The following FBXW10 variants were observed in gnomAD, a reference collection of about 807,000 sequenced individuals.
FBXW10 encodes F-box and WD repeat domain containing 10.
FBXW10 carries 68 observed loss-of-function variants against 113.1 expected under a neutral mutation model. That is an observed-to-expected ratio of 0.60 (90% CI 0.49 to 0.74). The LOEUF (loss-of-function observed/expected upper bound fraction) is 0.74, where lower values mean the gene tolerates loss of function less well. Ranked by LOEUF, FBXW10 falls within the 30% of genes least tolerant of loss-of-function variation. FBXW10 has a pLI of 0.00. For missense variants in FBXW10, 753 were observed against 1,284.5 expected (o/e 0.59, Z 6.32); for synonymous variants, 289 against 481.6 (o/e 0.60, Z 5.24).
chr17:18,765,804 G>A (rs1480672201), intron 8 of FBXW10, among the ~76,000 whole-genome samples: 2 of 151,978 alleles, frequency 1.3e-5, no homozygotes, highest in Non-Finnish European at 2.9e-5. Flanking sequence ...TTGGCTCACT[G>A]CAACCTCTGC....
At chr17:18,771,117 AC>A (rs200033566) in intron 11 of FBXW10, among the ~76,000 whole-genome samples, 12,645 of 150,938 alleles carry the variant, frequency 0.084, 584 homozygotes, top group African/African-American at 0.13. Context: ...AAAAAAAAAA[AC>A]AAAACAAAAC....
chr17:18,775,350 G>A (rs552459509), intron 13 of FBXW10, among the ~76,000 whole-genome samples, 158 bp downstream of exon 13: 2 of 152,162 alleles, frequency 1.3e-5, no homozygotes, highest in Middle Eastern at 3.2e-3. Context: ...CTCTAGTTTC[G>A]TATTGTTTTC....
chr17:18,762,979 C>A (rs897756369), intron 7 of FBXW10, among the ~76,000 whole-genome samples: 1 of 148,712 alleles, frequency 6.7e-6, no homozygotes, highest in Non-Finnish European at 1.5e-5. Context: ...GAGCACTGTG[C>A]CATCATTCAA....
At position 18,744,590 on chromosome 17, in the gene FBXW10, C is replaced by G. The variant is rs768357844; in HGVS notation, c.346C>G (p.Gln116Glu). The stretch of plus-strand genomic sequence containing the variant: ...CCAAATGTTGGATAAAACAGTAGAA[C>G]AGAAGATGAAAGAGATCTTGTACTG... ...LNQMLDKTVE[Q>E]KMKEILYWFA... The change falls in exon 1 of 14, where the codon CAG becomes GAG. Residue 116 changes from glutamine to glutamate, a missense_variant. By Grantham distance (29) the Gln-to-Glu change is conservative. Transcript: ENST00000395665. The G allele has an allele frequency of 5.6e-6, 9 of 1,613,968 alleles. No homozygotes were observed. The Admixed American group carries it at 1.3e-4, about 24-fold the overall frequency.
chr17:18,764,960 T>C, intron 8 of FBXW10, 97 bp downstream of exon 8: 1 of 1,609,988 alleles, frequency 6.2e-7, no homozygotes, highest in Non-Finnish European at 8.5e-7. Context: ...CAGGCAGTCA[T>C]TTATTCTTTA....
Position 18,744,550 on chromosome 17 carries a change from G to C in FBXW10, c.306G>C (p.Val102=), listed in dbSNP as rs2035001438. 6.2e-7 allele frequency: 1 copy of C among 1,613,998 alleles called. No homozygotes were observed. Among genetic ancestry groups the C allele is most frequent in the Non-Finnish European group, 8.5e-7 (1 of 1,179,882 alleles). ...INLSKKEGKV[V]KSSLNQMLDK... ...TCAGCAAGAAAGAGGGGAAAGTTGT[G>C]AAGTCCTCCTTGAACCAAATGTTGG... Residue 102 remains valine (V), a synonymous_variant, in exon 1 of 14, where the codon GTG becomes GTC. Transcript: ENST00000395665.
At chr17:18,749,126 T>G (rs1428460125) in intron 2 of FBXW10, among the ~76,000 whole-genome samples, 4 of 152,186 alleles carry the variant, frequency 2.6e-5, no homozygotes, top group Non-Finnish European at 5.9e-5. Flanking sequence ...TGTTTAAAAT[T>G]TTTTCTTGTT....
Position 18,777,353 on chromosome 17 carries a change from C to A in FBXW10, c.2336-1122C>A, listed in dbSNP as rs2035722070. Among the ~76,000 whole-genome samples the A allele has an allele frequency of 3.9e-5, 6 of 151,958 alleles. No homozygotes were observed. In the South Asian group the frequency reaches 1.2e-3, roughly 32 times the overall value. ...TGCTGGGATTACAGGCATGAGCCAC[C>A]GCACCCAGCCTGAAGACAGGTTTTA... On this transcript the variant is annotated intron_variant, in intron 13 of 13. Transcript: ENST00000395665.
chr17:18,758,239 C>A, intron 6 of FBXW10, 66 bp from the exon 7 acceptor site: 1 of 1,290,542 alleles, frequency 7.7e-7, no homozygotes, highest in Non-Finnish European at 1.1e-6. Context: ...AGTCATGGGG[C>A]TAAGTCAGTC....
Position 18,758,425 on chromosome 17 carries a change from C to A in FBXW10, c.1353C>A (p.Gly451=). ...AAGCGATACCCGTTGAATTCCGAGG[C>A]CATGCTGGGAGTGTCCGGGCCCTCT... ...QVKAIPVEFR[G]HAGSVRALFL... The change falls in exon 7 of 14, where the codon GGC becomes GGA. Residue 451 remains glycine, a synonymous_variant. Transcript: ENST00000395665. 6.2e-7 allele frequency: 1 copy of A among 1,611,018 alleles called. No individual in the cohort carries two copies. Among genetic ancestry groups the A allele is most frequent in the South Asian group, 1.1e-5 (1 of 90,846 alleles).
chr17:18,768,014 C>CCTTCCTTT (rs1567623328), intron 9 of FBXW10, among the ~76,000 whole-genome samples: 1 of 111,720 alleles, frequency 9.0e-6, no homozygotes, highest in Non-Finnish European at 2.0e-5. Context: ...TCTTTTCCTT[C>CCTTCCTTT]CTTCCTTCCT....
intron 5 of FBXW10, among the ~76,000 whole-genome samples, chr17:18,755,065 C>T (rs148015675): frequency 0.019 from 2,789 of 150,294 alleles, 31 homozygotes; most frequent in Middle Eastern, 0.025. Flanking sequence ...GAGTTCGAGA[C>T]CAGCCTGGCC....
chr17:18,761,288 C>T (rs1276952894), intron 7 of FBXW10, among the ~76,000 whole-genome samples: 4 of 148,408 alleles, frequency 2.7e-5, no homozygotes, highest in South Asian at 2.1e-4. Context: ...TTTTTTAAGA[C>T]GGAGTCTCGC....
chr17:18,769,181 C>G (rs538079198), intron 10 of FBXW10, among the ~76,000 whole-genome samples: 1 of 151,906 alleles, frequency 6.6e-6, no homozygotes, highest in East Asian at 1.9e-4. Context: ...ATGATCCACC[C>G]GCCTCAGCCT....
At chr17:18,759,778 AT>A (rs145762173) in intron 7 of FBXW10, among the ~76,000 whole-genome samples, 22 of 150,946 alleles carry the variant, frequency 1.5e-4, no homozygotes, top group African/African-American at 4.4e-4. Flanking sequence ...ACACCAGGCT[AT>A]TTTTTTTTGT....
intron 2 of FBXW10, among the ~76,000 whole-genome samples, chr17:18,748,474 T>TGGA (rs2035092369): frequency 7.0e-6 from 1 of 142,548 alleles, no homozygotes. Flanking sequence ...GAAGACCCAG[T>TGGA]GGAACTGGAG....
chr17:18,747,820 C>A, intron 1 of FBXW10, 121 bp from the exon 2 acceptor site: 4 of 1,438,272 alleles, frequency 2.8e-6, no homozygotes, highest in Middle Eastern at 2.6e-4. Flanking sequence ...GACATAACTG[C>A]TCTGGTCCAT....
At chr17:18,767,579 C>A (rs2035522436) in intron 9 of FBXW10, among the ~76,000 whole-genome samples, 1 of 151,892 alleles carries the variant, frequency 6.6e-6, no homozygotes, top group Non-Finnish European at 1.5e-5. Flanking sequence ...CATGGATGGT[C>A]TTGAAAGTGA....
chr17:18,755,657 T>C (rs996324272), intron 5 of FBXW10, among the ~76,000 whole-genome samples: 4 of 152,208 alleles, frequency 2.6e-5, no homozygotes, highest in African/African-American at 4.8e-5. Context: ...AGATGTAATA[T>C]ACATATGACG....
Sources: allele counts gnomAD v4.1 joint callset (sites outside exome capture counted in the v4.1 genomes callset), GRCh38; gene constraint gnomAD v4.1.1; transcripts MANE v1.5; gene names NCBI Gene and HGNC (gene_info 2026-07-23, HGNC 2026-07-21).